The following COL23A1 variants were observed in gnomAD, a reference collection of about 807,000 sequenced individuals.
COL23A1 encodes collagen type XXIII alpha 1 chain.
Under a neutral mutation model 99.3 loss-of-function variants are expected in COL23A1, and 97 were observed. The observed-to-expected ratio is 0.98, with a 90% confidence interval of 0.83 to 1.16. COL23A1 has a LOEUF of 1.16. Among genes scored for constraint, COL23A1 ranks in the 50% most tolerant of loss-of-function variants. COL23A1 has a pLI of 0.00. For missense variants in COL23A1, 762 were observed against 757.4 expected (o/e 1.01, Z -0.07); for synonymous variants, 320 against 308.2 (o/e 1.04, Z -0.40).
chr5:178,473,058 G>A (rs1756841334), intron 2 of COL23A1, among the ~76,000 whole-genome samples: 1 of 127,610 alleles, frequency 7.8e-6, no homozygotes, highest in Non-Finnish European at 1.7e-5. Context: ...AGGAGGTCAA[G>A]GCTGCAGTGA....
intron 2 of COL23A1, among the ~76,000 whole-genome samples, chr5:178,521,410 G>A (rs1045313423): frequency 3.3e-5 from 5 of 152,092 alleles, no homozygotes; most frequent in African/African-American, 9.7e-5. Context: ...AAAATTAGCC[G>A]GGCGTGGTGG....
chr5:178,369,399 AC>A (rs1179138560), intron 2 of COL23A1, among the ~76,000 whole-genome samples: 1 of 151,998 alleles, frequency 6.6e-6, no homozygotes, highest in Non-Finnish European at 1.5e-5. Flanking sequence ...GGAAGAGAAC[AC>A]CCCTCCATGG....
At chr5:178,397,589 T>C (rs1234055220) in intron 2 of COL23A1, among the ~76,000 whole-genome samples, 2 of 152,238 alleles carry the variant, frequency 1.3e-5, no homozygotes, top group Non-Finnish European at 2.9e-5. Flanking sequence ...AGCGCCTGGA[T>C]AACCGTTACA....
Position 178,310,026 on chromosome 5 carries a change from G to A in COL23A1, c.362-3107C>T, listed in dbSNP as rs926179583. On this transcript the variant is annotated intron_variant, in intron 2 of 28. Coordinates refer to ENST00000390654, the MANE Select transcript of COL23A1 (RefSeq NM_173465.4). This position sits in a 1 kb window ranked among gnomAD's most constrained non-coding sequence, Gnocchi z 4.3. ...CTTCTGGGATTCTCCTGAAAAGACT[G>A]CAAGTCCAGCAAGCTCCAGGGCTTA... Among the ~76,000 whole-genome samples, 5 of 152,330 alleles carry A rather than the reference G, an allele frequency of 3.3e-5. No homozygotes were observed. The highest frequency in any genetic ancestry group is 2.1e-4 in the South Asian group (1 of 4,830).
chr5:178,246,141 TG>T, intron 24 of COL23A1, 112 bp downstream of exon 24: 1 of 1,338,058 alleles, frequency 7.5e-7, no homozygotes. Flanking sequence ...GCCTGAACTC[TG>T]GCCCTGCGAA....
chr5:178,564,904 T>C (rs1024942187), intron 1 of COL23A1, among the ~76,000 whole-genome samples: 3 of 152,214 alleles, frequency 2.0e-5, no homozygotes, highest in African/African-American at 7.2e-5. Context: ...TTCTATCCTT[T>C]GACTAAAAAT....
At chr5:178,480,633 G>T (rs1368400145) in intron 2 of COL23A1, among the ~76,000 whole-genome samples, 1 of 152,186 alleles carries the variant, frequency 6.6e-6, no homozygotes, top group Admixed American at 6.5e-5. Context: ...AGTCAGCAGT[G>T]GTGTCTCCCT....
chr5:178,524,945 G>T (rs979193808), intron 2 of COL23A1, among the ~76,000 whole-genome samples: 1 of 152,228 alleles, frequency 6.6e-6, no homozygotes, highest in African/African-American at 2.4e-5. Flanking sequence ...CACCTAAACT[G>T]CGTAACTCTT....
At chr5:178,438,934 A>G (rs1198453996) in intron 2 of COL23A1, 1 of 152,136 alleles carries the variant, frequency 6.6e-6, no homozygotes, top group African/African-American at 2.4e-5. Flanking sequence ...AACTGCACCA[A>G]AAGCTCTGGG....
chr5:178,257,053 G>T, intron 13 of COL23A1, 125 bp from the exon 14 acceptor site: 1 of 807,576 alleles, frequency 1.2e-6, no homozygotes, highest in Non-Finnish European at 2.0e-6. Context: ...TTGTTACTGA[G>T]TCCATGGGGG....
chr5:178,517,174 G>A (rs1759569798), intron 2 of COL23A1, among the ~76,000 whole-genome samples: 1 of 152,258 alleles, frequency 6.6e-6, no homozygotes, highest in African/African-American at 2.4e-5. Context: ...CCTAACAGCT[G>A]TCAGTCTTAT....
At chr5:178,240,889 C>T (rs1003095040) in intron 27 of COL23A1, among the ~76,000 whole-genome samples, 1 of 152,158 alleles carries the variant, frequency 6.6e-6, no homozygotes, top group Non-Finnish European at 1.5e-5. Flanking sequence ...TCTGTTTTTC[C>T]TGTCTTTTCT....
At chr5:178,386,654 A>C (rs1281413970) in intron 2 of COL23A1, among the ~76,000 whole-genome samples, 2 of 151,986 alleles carry the variant, frequency 1.3e-5, no homozygotes, top group African/African-American at 4.8e-5. Context: ...CCCCGCCCCC[A>C]CAGCTCACTG....
chr5:178,508,545 T>C (rs1468589202), intron 2 of COL23A1, among the ~76,000 whole-genome samples: 1 of 152,214 alleles, frequency 6.6e-6, no homozygotes, highest in Non-Finnish European at 1.5e-5. Context: ...ACTGTGTTGC[T>C]GTCACGTGGG....
chr5:178,497,733 T>C (rs1039703788), intron 2 of COL23A1, among the ~76,000 whole-genome samples: 1 of 152,136 alleles, frequency 6.6e-6, no homozygotes, highest in Non-Finnish European at 1.5e-5. Context: ...TAAAAACATT[T>C]AATGGGTGAG....
chr5:178,425,645 A>C (rs570503448), intron 2 of COL23A1, among the ~76,000 whole-genome samples: 1 of 152,216 alleles, frequency 6.6e-6, no homozygotes, highest in East Asian at 1.9e-4. Context: ...AGTGGTACTC[A>C]ATGAATGCAG....
chr5:178,260,117 C>T (rs990554184), intron 11 of COL23A1, among the ~76,000 whole-genome samples: 1 of 152,206 alleles, frequency 6.6e-6, no homozygotes, highest in Non-Finnish European at 1.5e-5. Flanking sequence ...CCCACACCCT[C>T]CCCAAAGAGG....
At chr5:178,477,538 T>C (rs944557642) in intron 2 of COL23A1, among the ~76,000 whole-genome samples, 1 of 152,208 alleles carries the variant, frequency 6.6e-6, no homozygotes, top group African/African-American at 2.4e-5. Context: ...TGTCTCCTTA[T>C]TAGGCGCCAG....
intron 2 of COL23A1, among the ~76,000 whole-genome samples, chr5:178,418,428 A>G (rs1461099397): frequency 6.6e-6 from 1 of 152,102 alleles, no homozygotes; most frequent in African/African-American, 2.4e-5. Context: ...AGAGATCCTG[A>G]TTCTGTTGTC....
Sources: gnomAD v4.1 joint callset for allele counts (sites outside exome capture counted in the v4.1 genomes callset) on GRCh38, gnomAD v4.1.1 for gene constraint, Gnocchi (gnomAD v3.1) non-coding constraint, MANE v1.5 for transcripts, NCBI Gene and HGNC (gene_info 2026-07-23, HGNC 2026-07-21) for gene names.